Variants in RNF187 observed in about 807,000 individuals in gnomAD.
RNF187 encodes the protein E3 ubiquitin-protein ligase RNF187.
A neutral mutation model predicts 22.2 loss-of-function variants in RNF187; 18 were observed. The ratio of observed to expected loss-of-function variants is 0.81; its 90% CI spans 0.56 to 1.20. The LOEUF is 1.20. RNF187 is among the 50% of genes most tolerant of loss of function. The probability of loss-of-function intolerance (pLI) is 0.00; values close to 1 mark genes in which losing one functional copy is unlikely to be tolerated. For synonymous variants in RNF187, 164 were observed against 140.9 expected (o/e 1.16, Z -1.16); for missense variants, 329 against 317.6 (o/e 1.04, Z -0.27).
At chr1:228,492,707 A>G in intron 2 of RNF187, among the ~76,000 whole-genome samples, 4 of 130,878 alleles carry the variant, frequency 3.1e-5, no homozygotes, top group Non-Finnish European at 6.3e-5. Context: ...GCTCACTGCA[A>G]CCTCCGCCTC....
chr1:228,493,088 C>T lies in RNF187; in HGVS notation c.519C>T (p.Thr173=), dbSNP rs1467213600. ...TGGACCGTAGGAAGAAGGCACTGACCGACTACAAGAAGCTGCGGGCCTTCT... is the reference window on the plus strand; with the variant it reads ...TGGACCGTAGGAAGAAGGCACTGACTGACTACAAGAAGCTGCGGGCCTTCT... Residue 173 remains threonine (T), a synonymous_variant, in exon 3 of 4, where the codon ACC becomes ACT. Coordinates refer to ENST00000305943, the MANE Select transcript of RNF187 (RefSeq NM_001010858.3). This position sits in a 1 kb window ranked among gnomAD's most constrained non-coding sequence, Gnocchi z 4.7. 1.5e-5 allele frequency: 23 copies of T among 1,551,122 alleles called. No homozygotes were observed. The highest frequency in any genetic ancestry group is 3.9e-5 in the Admixed American group (2 of 50,962).
chr1:228,495,519 T>C lies in RNF187; in HGVS notation c.*1634T>C. 1 of 985,458 alleles carries C rather than the reference T, an allele frequency of 1.0e-6. No homozygotes were observed. 61.0% of individuals were successfully genotyped at this position (985,458 alleles called of 1,614,324 possible). ...CGACCCTGAGACCTCCAGTTTGTCTTTCTCACTGTCTCCGCCTGCTGCAGT... is the reference window on the plus strand; with the variant it reads ...CGACCCTGAGACCTCCAGTTTGTCTCTCTCACTGTCTCCGCCTGCTGCAGT... On this transcript the variant is annotated 3_prime_UTR_variant, in exon 4 of 4. Transcript: ENST00000305943.
Position 228,495,781 on chromosome 1 carries a change from C to G in RNF187, c.*1896C>G. ...GGGGCACAGTGTGATGTTTTGATATCTATGTACATTGTGGAGTGACAGATT... is the reference window on the plus strand; with the variant it reads ...GGGGCACAGTGTGATGTTTTGATATGTATGTACATTGTGGAGTGACAGATT... On this transcript the variant is annotated 3_prime_UTR_variant, in exon 4 of 4. Transcript: ENST00000305943. 2.7e-3 allele frequency: 2,590 copies of G among 967,390 alleles called. 53 individuals are homozygous for G. In the African/African-American group the frequency reaches 0.042, roughly 16 times the overall value. 59.9% of individuals were successfully genotyped at this position (967,390 alleles called of 1,614,324 possible).
intron 2 of RNF187, 123 bp downstream of exon 2, chr1:228,489,175 G>A: frequency 1.4e-6 from 1 of 707,748 alleles, no homozygotes; most frequent in Non-Finnish European, 2.3e-6. Flanking sequence ...GTTGGAGGAG[G>A]GGCCTCTGGA....
chr1:228,488,139 C>T, intron 1 of RNF187: 8 of 171,812 alleles, frequency 4.7e-5, no homozygotes, highest in East Asian at 1.4e-4. Context: ...CTTGGTGTCC[C>T]CTGCTGGGCG....
chr1:228,487,741 G>A lies in RNF187; in HGVS notation c.253G>A (p.Asp85Asn). Residue 85 changes from aspartate (D) to asparagine (N), a missense_variant, in exon 1 of 4, where the codon GAC becomes AAC. Coordinates refer to ENST00000305943, the MANE Select transcript of RNF187 (RefSeq NM_001010858.3). Reference sequence around the variant, plus strand: ...GGAGGCGGCCGCGGCGCCCGCGCGCGACGGCCCGGCCAGCGAGGCCGCGCT... The same window carrying A: ...GGAGGCGGCCGCGGCGCCCGCGCGCAACGGCCCGGCCAGCGAGGCCGCGCT... The A allele has an allele frequency of 9.7e-7, 1 of 1,031,698 alleles. No individual in the cohort carries two copies. Among genetic ancestry groups the A allele is most frequent in the Non-Finnish European group, 1.2e-6 (1 of 862,168 alleles). The allele number at this position is 1,031,698 out of a possible 1,614,324, so 63.9% of individuals were successfully genotyped here.
In RNF187 at chr1:228,495,806, T is replaced by C; in HGVS notation, c.*1921T>C. On this transcript the variant is annotated 3_prime_UTR_variant, in exon 4 of 4. Coordinates refer to ENST00000305943, the MANE Select transcript of RNF187 (RefSeq NM_001010858.3). The stretch of plus-strand genomic sequence containing the variant: ...CTATGTACATTGTGGAGTGACAGAT[T>C]AATGTATCCATCTCATGTTTTTTTT... 2 of 918,584 alleles carry C rather than the reference T, an allele frequency of 2.2e-6. No homozygotes were observed. The highest frequency in any genetic ancestry group is 2.6e-6 in the Non-Finnish European group (2 of 769,146). The allele number at this position is 918,584 out of a possible 1,614,324, so 56.9% of individuals were successfully genotyped here. A position where few individuals can be genotyped will look rare whatever the true frequency, so the allele number is the denominator to read the frequency against.
chr1:228,490,755 T>G, intron 2 of RNF187, among the ~76,000 whole-genome samples: 2 of 152,338 alleles, frequency 1.3e-5, no homozygotes, highest in South Asian at 4.1e-4. Flanking sequence ...CTCTCCTGTT[T>G]GCAAGGTTAG....
Position 228,493,828 on chromosome 1 carries a change from T to G in RNF187, c.706-55T>G. ...CTCCTTTTGCCTCTGTCTCTGACTC[T>G]GTGTGTCTCTTTCTCTTTTTGTCTC... On this transcript the variant is annotated intron_variant, in intron 3 of 3. Coordinates refer to ENST00000305943, the MANE Select transcript of RNF187 (RefSeq NM_001010858.3). The surrounding 1 kb of genome is among the most constrained non-coding windows in gnomAD (Gnocchi z 4.7). 2.0e-6 allele frequency: 3 copies of G among 1,533,312 alleles called. No individual in the cohort carries two copies. The highest frequency in any genetic ancestry group is 2.7e-6 in the Non-Finnish European group (3 of 1,130,234). 95.0% of individuals were successfully genotyped at this position (1,533,312 alleles called of 1,614,324 possible). A position where few individuals can be genotyped will look rare whatever the true frequency, so the allele number is the denominator to read the frequency against.
Position 228,493,238 on chromosome 1 carries a change from G to A in RNF187, c.669G>A (p.Lys223=). The A allele has an allele frequency of 6.4e-7, 1 of 1,551,270 alleles. No individual in the cohort carries two copies. Among genetic ancestry groups the A allele is most frequent in the Non-Finnish European group, 8.7e-7 (1 of 1,146,972 alleles). The change falls in exon 3 of 4, where the codon AAG becomes AAA. Residue 223 remains lysine (K), a synonymous_variant. Coordinates refer to ENST00000305943, the MANE Select transcript of RNF187 (RefSeq NM_001010858.3). This position sits in a 1 kb window ranked among gnomAD's most constrained non-coding sequence, Gnocchi z 4.7. ...TGCAGGCGGTCTCGGAGCTGGAGAA[G>A]AAGCATCGCAACCTGGGCCTCAGCA...
At chr1:228,492,974 C>T in intron 2 of RNF187, 79 bp from the exon 3 acceptor site, 149 of 1,426,268 alleles carry the variant, frequency 1.0e-4, no homozygotes, top group Non-Finnish European at 1.4e-4. Context: ...GTTCTTAACT[C>T]CTTCAAGAGC....
At position 228,495,430 on chromosome 1, in the gene RNF187, G is replaced by A; in HGVS notation, c.*1545G>A. ...AAGGGCAAAGAGGGCCCTAGGAGAA[G>A]ATTCCAGAGCCTGGCCAGAGTTTGG... On this transcript the variant is annotated 3_prime_UTR_variant, in exon 4 of 4. Transcript: ENST00000305943. 1 of 975,118 alleles carries A rather than the reference G, an allele frequency of 1.0e-6. No individual in the cohort carries two copies. Among genetic ancestry groups the A allele is most frequent in the Non-Finnish European group, 1.2e-6 (1 of 820,528 alleles). The allele number at this position is 975,118 out of a possible 1,614,324, so 60.4% of individuals were successfully genotyped here. A position where few individuals can be genotyped will look rare whatever the true frequency, so the allele number is the denominator to read the frequency against.
At chr1:228,490,166 C>T in intron 2 of RNF187, among the ~76,000 whole-genome samples, 1 of 152,250 alleles carries the variant, frequency 6.6e-6, no homozygotes, top group South Asian at 2.1e-4. Context: ...TAACTGGCTG[C>T]ATCTCGAGGC....
intron 2 of RNF187, among the ~76,000 whole-genome samples, chr1:228,491,401 A>AT: frequency 6.8e-4 from 101 of 148,278 alleles, no homozygotes; most frequent in Admixed American, 2.3e-3. Flanking sequence ...AAAAAAAAAA[A>AT]AAAAAAAATA....
intron 2 of RNF187, among the ~76,000 whole-genome samples, chr1:228,490,732 G>A: frequency 6.6e-6 from 1 of 152,240 alleles, no homozygotes; most frequent in Non-Finnish European, 1.5e-5. Flanking sequence ...AATCAGAGTA[G>A]CATCCTGCTC....
intron 2 of RNF187, among the ~76,000 whole-genome samples, chr1:228,491,851 C>G: frequency 6.6e-6 from 1 of 152,138 alleles, no homozygotes; most frequent in African/African-American, 2.4e-5. Context: ...CAAAGACTAG[C>G]CACTTGTAAA....
chr1:228,496,059 C>T lies in RNF187; in HGVS notation c.*2174C>T. Among the ~76,000 whole-genome samples the T allele has an allele frequency of 6.6e-6, 1 of 152,180 alleles. No homozygotes were observed. The highest frequency in any genetic ancestry group is 1.5e-5 in the Non-Finnish European group (1 of 68,036). ...TGAAGTCACCATGCTGTGCAATAGA[C>T]CTTGAGTTTATTCTTGTATAGCAGG... On this transcript the variant is annotated 3_prime_UTR_variant, in exon 4 of 4. Transcript: ENST00000305943.
chr1:228,493,943 A>G lies in RNF187; in HGVS notation c.*58A>G. On this transcript the variant is annotated 3_prime_UTR_variant, in exon 4 of 4. Coordinates refer to ENST00000305943, the MANE Select transcript of RNF187 (RefSeq NM_001010858.3). This position sits in a 1 kb window ranked among gnomAD's most constrained non-coding sequence, Gnocchi z 4.7. ...GGCAGGAGGATGGATCCTCATCTCC[A>G]TGGGAAGTGTCAGCGTGTGGCTGCC... 2 of 1,551,508 alleles carry G rather than the reference A, an allele frequency of 1.3e-6. No homozygotes were observed. The highest frequency in any genetic ancestry group is 1.7e-6 in the Non-Finnish European group (2 of 1,146,964).
chr1:228,493,907 C>G lies in RNF187; in HGVS notation c.*22C>G. 1 of 1,551,750 alleles carries G rather than the reference C, an allele frequency of 6.4e-7. No individual in the cohort carries two copies. Among genetic ancestry groups the G allele is most frequent in the South Asian group, 1.2e-5 (1 of 84,068 alleles). ...GTGATGGCGCCAACCCGTGGCAGTC[C>G]CAGAGCTGGAGGCAGGAGGATGGAT... On this transcript the variant is annotated 3_prime_UTR_variant, in exon 4 of 4. Coordinates refer to ENST00000305943, the MANE Select transcript of RNF187 (RefSeq NM_001010858.3). The surrounding 1 kb of genome is among the most constrained non-coding windows in gnomAD (Gnocchi z 4.7).
Sources: allele counts gnomAD v4.1 joint callset (sites outside exome capture counted in the v4.1 genomes callset), GRCh38; gene constraint gnomAD v4.1.1; non-coding constraint Gnocchi (gnomAD v3.1); transcripts MANE v1.5; gene names NCBI Gene and HGNC (gene_info 2026-07-23, HGNC 2026-07-21).